OSBPL2: variants seen among roughly 807,000 people sequenced by gnomAD.
OSBPL2 encodes oxysterol binding protein like 2, also known as oxysterol-binding protein-related protein 2.
OSBPL2 carries 18 observed loss-of-function variants against 58.4 expected under a neutral mutation model. That is an observed-to-expected ratio of 0.31 (90% CI 0.21 to 0.46). OSBPL2 has a LOEUF of 0.46. Ranked by LOEUF, OSBPL2 falls within the 20% of genes least tolerant of loss-of-function variation. OSBPL2 has a pLI of 1.00. For synonymous variants in OSBPL2, 221 were observed against 234.1 expected, an observed-to-expected ratio of 0.94 and a Z score of 0.51; for missense variants, 461 against 616.5, an observed-to-expected ratio of 0.75 and a Z score of 2.67.
Position 62,284,161 on chromosome 20 carries a change from G to T in OSBPL2, c.988G>T (p.Ala330Ser). The change falls in exon 10 of 14, where the codon GCC (alanine) becomes TCC (serine). Residue 330 changes from alanine (A) to serine (S), a missense_variant. Physicochemically the swap from Ala to Ser is moderately conservative, Grantham distance 99. Transcript: ENST00000313733. ...GAGGAGAGGTGACCACCTGAGAAAG[G>T]CCAAGCTGGTAAGGGCTGGGGCGTC... ...QERRGDHLRK[A>S]KLDEDSGKAD... 4.3e-6 allele frequency: 7 copies of T among 1,614,120 alleles called. No homozygotes were observed. Among genetic ancestry groups the T allele is most frequent in the Non-Finnish European group, 5.9e-6 (7 of 1,180,010 alleles).
At chr20:62,257,309 G>T (rs1478067746) in intron 2 of OSBPL2, among the ~76,000 whole-genome samples, 2 of 152,214 alleles carry the variant, frequency 1.3e-5, no homozygotes, top group Non-Finnish European at 2.9e-5. Context: ...CCGAGGCTGT[G>T]CTGCTCCTGT....
chr20:62,289,090 C>T lies in OSBPL2; in HGVS notation c.1126-117C>T, dbSNP rs989770074. 6.1e-6 allele frequency: 7 copies of T among 1,140,254 alleles called. No homozygotes were observed. The African/African-American group carries it at 9.2e-5, about 15-fold the overall frequency. 70.6% of individuals were successfully genotyped at this position (1,140,254 alleles called of 1,614,324 possible). ...TGGAAGACGTGAGCGGAAGTAGGTT[C>T]CCATGGTGGCAGTCAGGTAGCACCT... On this transcript the variant is annotated intron_variant, in intron 11 of 13. Transcript: ENST00000313733.
chr20:62,240,843 C>T (rs547690483), intron 1 of OSBPL2, among the ~76,000 whole-genome samples: 2 of 152,290 alleles, frequency 1.3e-5, no homozygotes, highest in African/African-American at 4.8e-5. Context: ...AGAATACCTT[C>T]CCTGCCACCC....
chr20:62,274,167 C>T (rs1248664044), intron 6 of OSBPL2, among the ~76,000 whole-genome samples: 2 of 152,206 alleles, frequency 1.3e-5, no homozygotes, highest in Non-Finnish European at 2.9e-5. Context: ...TTGGGGTTCT[C>T]TTCACCCACC....
intron 10 of OSBPL2, chr20:62,285,475 T>C (rs551635585): frequency 2.0e-5 from 3 of 152,338 alleles, no homozygotes; most frequent in South Asian, 2.1e-4. Flanking sequence ...CTGGAATCAT[T>C]CCCTTTTCTA....
chr20:62,248,034 C>T (rs1039599003), intron 1 of OSBPL2, among the ~76,000 whole-genome samples: 1 of 152,116 alleles, frequency 6.6e-6, no homozygotes, highest in African/African-American at 2.4e-5. Context: ...CAGCAAAATA[C>T]CACATAAGGC....
intron 7 of OSBPL2, chr20:62,280,076 GAC>G (rs1982684381): frequency 7.7e-7 from 1 of 1,304,222 alleles, no homozygotes; most frequent in South Asian, 1.2e-5. Flanking sequence ...AGACCCGACA[GAC>G]ACAGACCGGA....
chr20:62,240,908 T>G (rs1194399332), intron 1 of OSBPL2, among the ~76,000 whole-genome samples: 2 of 152,224 alleles, frequency 1.3e-5, no homozygotes, highest in Non-Finnish European at 2.9e-5. Flanking sequence ...GAGGGAGGAC[T>G]GAGGGGCATG....
At chr20:62,259,711 C>T (rs1981166664) in intron 2 of OSBPL2, among the ~76,000 whole-genome samples, 2 of 152,130 alleles carry the variant, frequency 1.3e-5, no homozygotes, top group Non-Finnish European at 2.9e-5. Flanking sequence ...AGCTCATGGC[C>T]TGGGACTGGA....
At chr20:62,280,181 A>G in intron 7 of OSBPL2, 1 of 1,135,262 alleles carries the variant, frequency 8.8e-7, no homozygotes, top group Non-Finnish European at 1.2e-6. Flanking sequence ...CCTAACAAAT[A>G]CATACAGAAA....
In OSBPL2 at chr20:62,289,017, T is replaced by C. The variant is rs149112656; in HGVS notation, c.1126-190T>C. On this transcript the variant is annotated intron_variant, in intron 11 of 13. Coordinates refer to ENST00000313733, the MANE Select transcript of OSBPL2 (RefSeq NM_144498.4). ...CAAAATGCAAACGTTACAGCCGCAGTGCATGATACGTGCTTAGTGAAGACG... is the reference window on the plus strand; with the variant it reads ...CAAAATGCAAACGTTACAGCCGCAGCGCATGATACGTGCTTAGTGAAGACG... 4.3e-4 allele frequency among the ~76,000 whole-genome samples: 66 copies of C among 152,306 alleles called. No homozygotes were observed. The East Asian group carries it at 0.012, about 27-fold the overall frequency.
chr20:62,261,320 A>G (rs1981288711), intron 3 of OSBPL2, among the ~76,000 whole-genome samples: 1 of 150,748 alleles, frequency 6.6e-6, no homozygotes, highest in African/African-American at 2.4e-5. Flanking sequence ...CATCTCCAAA[A>G]AAAAAAAAAA....
At chr20:62,253,633 C>T (rs1224524027) in intron 1 of OSBPL2, among the ~76,000 whole-genome samples, 2 of 148,928 alleles carry the variant, frequency 1.3e-5, no homozygotes, top group African/African-American at 4.9e-5. Context: ...CTGCTGAGGG[C>T]TTTCTTGCTG....
chr20:62,267,876 C>T (rs1003278120), intron 4 of OSBPL2, among the ~76,000 whole-genome samples: 11 of 73,844 alleles, frequency 1.5e-4, no homozygotes, highest in African/African-American at 4.6e-4. Flanking sequence ...CAAATGTCTG[C>T]ATTATTTTTT....
At chr20:62,291,637 C>T in intron 12 of OSBPL2, 66 bp from the exon 13 acceptor site, 1 of 1,281,088 alleles carries the variant, frequency 7.8e-7, no homozygotes, top group Non-Finnish European at 1.1e-6. Context: ...GATCTAGGTG[C>T]ATAGGGGGTG....
chr20:62,243,676 G>C (rs1979890709), intron 1 of OSBPL2, among the ~76,000 whole-genome samples: 1 of 152,166 alleles, frequency 6.6e-6, no homozygotes, highest in Non-Finnish European at 1.5e-5. Context: ...AGCTCGGGAG[G>C]GTCTGGGGTG....
chr20:62,286,898 G>A (rs1162548310), intron 11 of OSBPL2, among the ~76,000 whole-genome samples, 187 bp downstream of exon 11: 2 of 152,228 alleles, frequency 1.3e-5, no homozygotes, highest in East Asian at 1.9e-4. Context: ...GCTGCGTCCC[G>A]GCCCTGTGCT....
rs1401609051 is a variant in OSBPL2, at chr20:62,278,838, G to A, written c.492-319G>A. On this transcript the variant is annotated intron_variant, in intron 6 of 13. Transcript: ENST00000313733. ...TATCGTGTTTGTGTGTGTGTCTGTT[G>A]CCGTTAGGCCGAGTGCGATGTCATG... 4 of 260,878 alleles carry A rather than the reference G, an allele frequency of 1.5e-5. No individual in the cohort carries two copies. In the Admixed American group the frequency reaches 2.5e-4, roughly 17 times the overall value. 16.2% of individuals were successfully genotyped at this position (260,878 alleles called of 1,614,324 possible). A position where few individuals can be genotyped will look rare whatever the true frequency, so the allele number is the denominator to read the frequency against.
Position 62,279,203 on chromosome 20 carries a change from C to G in OSBPL2, c.538C>G (p.Pro180Ala). ...TATATCGGAACAGGTCAGTCACCAC[C>G]CCCCCATCAGTGCGTTCCACTCGGA... ...RFISEQVSHH[P>A]PISAFHSEGL... The change falls in exon 7 of 14, where the codon CCC becomes GCC. Residue 180 changes from proline to alanine, a missense_variant. This residue lies in a region of OSBPL2 where 319 missense variants were observed against 419.2 expected (regional missense o/e 0.76). Coordinates refer to ENST00000313733, the MANE Select transcript of OSBPL2 (RefSeq NM_144498.4). The G allele has an allele frequency of 6.2e-7, 1 of 1,614,028 alleles. No homozygotes were observed. The highest frequency in any genetic ancestry group is 8.5e-7 in the Non-Finnish European group (1 of 1,179,904).
Sources: gnomAD v4.1 joint callset for allele counts (sites outside exome capture counted in the v4.1 genomes callset) on GRCh38, gnomAD v4.1.1 for gene constraint, gnomAD v4.1.1 regional missense constraint, MANE v1.5 for transcripts, NCBI Gene and HGNC (gene_info 2026-07-23, HGNC 2026-07-21) for gene names.